Variants in C1orf146 observed in about 807,000 individuals in gnomAD.
C1orf146 encodes the protein chromosome 1 open reading frame 146, also known as protein SPO16 homolog.
C1orf146 carries 22 observed loss-of-function variants against 23.0 expected under a neutral mutation model. The ratio of observed to expected loss-of-function variants is 0.96; its 90% CI spans 0.68 to 1.36. The LOEUF is 1.36. C1orf146 is among the 40% of genes most tolerant of loss of function. C1orf146 has a pLI of 0.00. For synonymous variants in C1orf146, 59 were observed against 65.3 expected (o/e 0.90, Z 0.47); for missense variants, 199 against 206.8 (o/e 0.96, Z 0.23).
At chr1:92,225,278 G>A (rs1308568138) in intron 1 of C1orf146, among the ~76,000 whole-genome samples, 1 of 151,904 alleles carries the variant, frequency 6.6e-6, no homozygotes, top group African/African-American at 2.4e-5. Context: ...GCTAATTTTT[G>A]TACTTTTTTG....
At chr1:92,243,819 T>C (rs1440979922) in intron 3 of C1orf146, among the ~76,000 whole-genome samples, 3 of 152,318 alleles carry the variant, frequency 2.0e-5, no homozygotes, top group African/African-American at 7.2e-5. Flanking sequence ...TCTTCATCTG[T>C]ATCCTTTGTA....
chr1:92,244,248 A>G lies in C1orf146; in HGVS notation c.192A>G (p.Glu64=). 1.2e-6 allele frequency: 2 copies of G among 1,601,752 alleles called. No homozygotes were observed. Among genetic ancestry groups the G allele is most frequent in the Non-Finnish European group, 1.7e-6 (2 of 1,171,460 alleles). Residue 64 remains glutamate, a synonymous_variant, in exon 4 of 6, where the codon GAA becomes GAG. Transcript: ENST00000370375. Reference sequence around the variant, plus strand: ...CATTTTTATTAATGGATACTAAGGAATGTCTTCTGTCAACTGAAGAAATAT... The same window carrying G: ...CATTTTTATTAATGGATACTAAGGAGTGTCTTCTGTCAACTGAAGAAATAT... ...GVAFLLMDTK[E]CLLSTEEIFL...
intron 1 of C1orf146, among the ~76,000 whole-genome samples, chr1:92,221,108 G>T: frequency 6.6e-6 from 1 of 152,072 alleles, no homozygotes; most frequent in Middle Eastern, 3.2e-3. Context: ...TCATGACTTG[G>T]ATAAAGAAAA....
intron 1 of C1orf146, among the ~76,000 whole-genome samples, chr1:92,225,811 G>GT (rs1186214287): frequency 1.3e-5 from 2 of 151,672 alleles, no homozygotes; most frequent in South Asian, 2.1e-4. Context: ...AGTCTATTTT[G>GT]TTTTTTTATC....
chr1:92,225,380 T>C (rs964798341), intron 1 of C1orf146, among the ~76,000 whole-genome samples: 1 of 152,240 alleles, frequency 6.6e-6, no homozygotes, highest in African/African-American at 2.4e-5. Context: ...GTGTTGGGAT[T>C]ACAGGCGTGA....
At chr1:92,232,307 C>T (rs145850338) in intron 2 of C1orf146, among the ~76,000 whole-genome samples, 4,267 of 144,794 alleles carry the variant, frequency 0.029, 143 homozygotes, top group African/African-American at 0.07. Context: ...CCCCTTCCTG[C>T]GTCCATGTGT....
chr1:92,231,379 C>T lies in C1orf146; in HGVS notation c.-39-3C>T, dbSNP rs762424952. On this transcript the variant is annotated splice_region_variant and splice_polypyrimidine_tract_variant and intron_variant, in intron 1 of 5. Transcript: ENST00000370375. ...GCATTCTTTGTGTTCTTAATTTTCT[C>T]AGATTGTTGCACCATTAGAAGCTAG... 1.5e-6 allele frequency: 2 copies of T among 1,365,970 alleles called. No homozygotes were observed. Among genetic ancestry groups the T allele is most frequent in the Admixed American group, 2.2e-5 (1 of 44,482 alleles). 84.6% of individuals were successfully genotyped at this position (1,365,970 alleles called of 1,614,324 possible).
At chr1:92,224,338 A>C (rs1336218005) in intron 1 of C1orf146, among the ~76,000 whole-genome samples, 3 of 152,102 alleles carry the variant, frequency 2.0e-5, no homozygotes, top group Non-Finnish European at 2.9e-5. Context: ...ATGAGCCACC[A>C]TGCTCGGCCA....
rs1652139429 is a variant in C1orf146 at position 92,232,125 on chromosome 1, A to G, written c.66+639A>G. 3.4e-5 allele frequency among the ~76,000 whole-genome samples: 5 copies of G among 147,412 alleles called. No individual in the cohort carries two copies. In the South Asian group the frequency reaches 1.2e-3, roughly 35 times the overall value. Reference sequence around the variant, plus strand: ...ATAAATTATATATATTTTTATTATTATACTTTAAGTTTTAGGGTACATGTG... The same window carrying G: ...ATAAATTATATATATTTTTATTATTGTACTTTAAGTTTTAGGGTACATGTG... On this transcript the variant is annotated intron_variant, in intron 2 of 5. Transcript: ENST00000370375.
chr1:92,232,330 A>G (rs921787463), intron 2 of C1orf146, among the ~76,000 whole-genome samples: 9 of 137,672 alleles, frequency 6.5e-5, no homozygotes, highest in Non-Finnish European at 9.0e-5. Context: ...TCATTGTTCA[A>G]TTTCCACCTA....
chr1:92,240,546 G>A (rs1652407881), intron 2 of C1orf146, among the ~76,000 whole-genome samples: 1 of 152,148 alleles, frequency 6.6e-6, no homozygotes, highest in Non-Finnish European at 1.5e-5. Context: ...AAGAAAGGAA[G>A]CATGTATTTT....
chr1:92,230,735 A>G (rs899498073), intron 1 of C1orf146, among the ~76,000 whole-genome samples: 1 of 151,970 alleles, frequency 6.6e-6, no homozygotes, highest in African/African-American at 2.4e-5. Flanking sequence ...GCACCCCTGT[A>G]CTCCAGCCTG....
chr1:92,244,969 G>A (rs984957716), intron 5 of C1orf146, 112 bp downstream of exon 5: 24 of 620,528 alleles, frequency 3.9e-5, no homozygotes, highest in Middle Eastern at 2.6e-4. Flanking sequence ...GTTCCCCTGC[G>A]GGAGTTGCTG....
intron 3 of C1orf146, 138 bp downstream of exon 3, chr1:92,242,443 A>AC (rs1652454619): frequency 2.2e-5 from 9 of 409,558 alleles, no homozygotes; most frequent in African/African-American, 4.1e-5. Flanking sequence ...TACTACTACA[A>AC]ACAGTCCATA....
At chr1:92,229,027 G>T in intron 1 of C1orf146, 1 of 477,794 alleles carries the variant, frequency 2.1e-6, no homozygotes. Context: ...AAGCATTTGT[G>T]GTGAACAGTG....
chr1:92,233,626 G>GT (rs1360287732), intron 2 of C1orf146, among the ~76,000 whole-genome samples: 3 of 152,108 alleles, frequency 2.0e-5, no homozygotes, highest in Admixed American at 6.6e-5. Context: ...CTTTAAAGTA[G>GT]TTTTTTCCAA....
At chr1:92,243,880 T>A (rs1354495188) in intron 3 of C1orf146, among the ~76,000 whole-genome samples, 1 of 151,990 alleles carries the variant, frequency 6.6e-6, no homozygotes, top group Non-Finnish European at 1.5e-5. Flanking sequence ...ACATGAAAAA[T>A]TAACTTTTTA....
intron 2 of C1orf146, among the ~76,000 whole-genome samples, chr1:92,233,297 G>A (rs1271198976): frequency 6.6e-6 from 1 of 151,408 alleles, no homozygotes; most frequent in Non-Finnish European, 1.5e-5. Context: ...TAAGGTGTAA[G>A]GAAGGGATCC....
intron 2 of C1orf146, among the ~76,000 whole-genome samples, chr1:92,233,463 A>G (rs945337086): frequency 1.3e-5 from 2 of 151,956 alleles, no homozygotes; most frequent in Non-Finnish European, 2.9e-5. Flanking sequence ...TGTTCCGTTG[A>G]TCTATATCTC....
Sources: allele counts gnomAD v4.1 joint callset (sites outside exome capture counted in the v4.1 genomes callset), GRCh38; gene constraint gnomAD v4.1.1; transcripts MANE v1.5; gene names NCBI Gene and HGNC (gene_info 2026-07-23, HGNC 2026-07-21).